The following TTC23L variants were observed in gnomAD, a reference collection of about 807,000 sequenced individuals.
TTC23L encodes tetratricopeptide repeat domain 23 like, also known as tetratricopeptide repeat protein 23-like.
Under a neutral mutation model 48.1 loss-of-function variants are expected in TTC23L, and 42 were observed. The ratio of observed to expected loss-of-function variants is 0.87; its 90% CI spans 0.68 to 1.13. The LOEUF is 1.13. TTC23L is among the 50% of genes most tolerant of loss of function. TTC23L has a pLI of 0.00. For synonymous variants in TTC23L, 159 were observed against 157.2 expected (o/e 1.01, Z -0.09); for missense variants, 391 against 421.0 (o/e 0.93, Z 0.62).
chr5:34,839,603 A>C, intron 1 of TTC23L: 1 of 985,100 alleles, frequency 1.0e-6, no homozygotes, highest in Non-Finnish European at 1.2e-6. Flanking sequence ...AAAAAGAGAA[A>C]TTAGTGACTC....
chr5:34,886,842 C>T (rs1304242139), intron 9 of TTC23L, among the ~76,000 whole-genome samples: 2 of 152,186 alleles, frequency 1.3e-5, no homozygotes, highest in African/African-American at 4.8e-5. Context: ...GGCAGCATCT[C>T]TTGAAAGCAC....
intron 9 of TTC23L, among the ~76,000 whole-genome samples, chr5:34,885,058 T>C (rs755805907): frequency 2.7e-5 from 4 of 149,258 alleles, no homozygotes; most frequent in Non-Finnish European, 4.5e-5. Flanking sequence ...AGAAAGCACA[T>C]TGGGAAGGCA....
chr5:34,880,609 C>CATA (rs1356631267), intron 9 of TTC23L: 2 of 424,762 alleles, frequency 4.7e-6, no homozygotes, highest in African/African-American at 4.2e-5. Flanking sequence ...AATTGGCAGC[C>CATA]ATATGTTTGC....
chr5:34,842,348 AT>A (rs34916959), intron 2 of TTC23L, among the ~76,000 whole-genome samples: 43,191 of 147,930 alleles, frequency 0.29, 7,074 homozygotes, highest in South Asian at 0.44. Flanking sequence ...GTTGGATAGC[AT>A]TTTTTTTTTT....
the TTC23L span, chr5:34,914,905 A>T: frequency 6.2e-7 from 1 of 1,613,428 alleles, no homozygotes; most frequent in Non-Finnish European, 8.5e-7. Flanking sequence ...TCCACTGCGC[A>T]TTCGGCCCCG....
chr5:34,848,897 G>A (rs374370862), intron 3 of TTC23L, among the ~76,000 whole-genome samples: 6 of 152,174 alleles, frequency 3.9e-5, no homozygotes, highest in East Asian at 3.8e-4. Context: ...GCTGTTGGAG[G>A]ATTTTGAACA....
intron 1 of TTC23L, among the ~76,000 whole-genome samples, chr5:34,840,242 G>GGC (rs1554016506): frequency 1.4e-5 from 2 of 143,082 alleles, no homozygotes; most frequent in Admixed American, 6.8e-5. Flanking sequence ...GACCCCGGGG[G>GGC]GGGGGGGGAA....
intron 9 of TTC23L, among the ~76,000 whole-genome samples, chr5:34,883,936 G>A (rs539717955): frequency 3.8e-4 from 58 of 152,116 alleles, no homozygotes; most frequent in Non-Finnish European, 7.5e-4. Flanking sequence ...TGACATCAAA[G>A]CCATAAAAAG....
chr5:34,894,273 C>T (rs1227497110), intron 9 of TTC23L, among the ~76,000 whole-genome samples: 1 of 151,866 alleles, frequency 6.6e-6, no homozygotes, highest in Non-Finnish European at 1.5e-5. Flanking sequence ...TTTATAATAG[C>T]AAACAATGGG....
intron 2 of TTC23L, among the ~76,000 whole-genome samples, chr5:34,843,341 C>T (rs920223411): frequency 2.0e-5 from 3 of 152,104 alleles, no homozygotes; most frequent in Non-Finnish European, 4.4e-5. Context: ...TTATTCTGAC[C>T]ATCCTTTGAG....
At chr5:34,884,915 G>C (rs1762457490) in intron 9 of TTC23L, among the ~76,000 whole-genome samples, 1 of 152,164 alleles carries the variant, frequency 6.6e-6, no homozygotes, top group Non-Finnish European at 1.5e-5. Flanking sequence ...CCACATTAGG[G>C]ATGATGATTA....
rs561084793 is a variant in TTC23L, at chr5:34,865,298, T to C, written c.662+736T>C. Among the ~76,000 whole-genome samples the C allele has an allele frequency of 3.3e-5, 5 of 152,306 alleles. No individual in the cohort carries two copies. The South Asian group carries it at 6.2e-4, about 19-fold the overall frequency. On this transcript the variant is annotated intron_variant, in intron 6 of 10. Coordinates refer to ENST00000505624, the Ensembl canonical transcript of TTC23L. ...TGGCACAGTAGGGTATATGACTGAA[T>C]AGTAAGTAAATGAAATACATGCGTC...
intron 9 of TTC23L, among the ~76,000 whole-genome samples, chr5:34,881,765 CTG>C (rs1294510960): frequency 1.4e-5 from 2 of 146,742 alleles, no homozygotes; most frequent in Admixed American, 6.8e-5. Flanking sequence ...GTTTAGAAGA[CTG>C]TTTTTTTTTT....
intron 4 of TTC23L, among the ~76,000 whole-genome samples, chr5:34,851,536 G>T (rs1042101341): frequency 2.0e-5 from 3 of 152,128 alleles, no homozygotes; most frequent in African/African-American, 4.8e-5. Flanking sequence ...GCACAGCGAG[G>T]CCCTTTTATG....
At chr5:34,865,062 G>A (rs1258332946) in intron 6 of TTC23L, among the ~76,000 whole-genome samples, 1 of 152,240 alleles carries the variant, frequency 6.6e-6, no homozygotes, top group Non-Finnish European at 1.5e-5. Flanking sequence ...TGTTCCATAT[G>A]AAAACAAAGT....
At chr5:34,865,431 A>C (rs931580957) in intron 6 of TTC23L, among the ~76,000 whole-genome samples, 5 of 152,234 alleles carry the variant, frequency 3.3e-5, no homozygotes, top group African/African-American at 4.8e-5. Context: ...CCACAGGGCA[A>C]TAAATTACAG....
intron 9 of TTC23L, among the ~76,000 whole-genome samples, chr5:34,895,431 C>A (rs16869174): frequency 0.031 from 4,666 of 152,276 alleles, 150 homozygotes; most frequent in African/African-American, 0.084. Context: ...ACCTAGTCAT[C>A]AAACTTACTG....
chr5:34,863,008 G>C lies in TTC23L; in HGVS notation c.490G>C (p.Val164Leu). The change falls in exon 5 of 11, where the codon GTC becomes CTC. Residue 164 changes from valine (V) to leucine (L), a missense_variant. By Grantham distance (32) the Val-to-Leu change is conservative. Transcript: ENST00000505624. The surrounding 1 kb of genome is among the most constrained non-coding windows in gnomAD (Gnocchi z 4.1). Reference sequence around the variant, plus strand: ...GAAAGAGGAAATCCTGGAAGCTCTGGTCAAGCTGTACTACACTCTGGGCGT... The same window carrying C: ...GAAAGAGGAAATCCTGGAAGCTCTGCTCAAGCTGTACTACACTCTGGGCGT... 6.2e-7 allele frequency: 1 copy of C among 1,613,984 alleles called. No homozygotes were observed. The highest frequency in any genetic ancestry group is 8.5e-7 in the Non-Finnish European group (1 of 1,179,882).
At chr5:34,862,626 T>C (rs980868786) in intron 4 of TTC23L, among the ~76,000 whole-genome samples, 3 of 152,130 alleles carry the variant, frequency 2.0e-5, no homozygotes, top group African/African-American at 7.2e-5. Flanking sequence ...GAGGGCTGAA[T>C]AAGAACCACT....
Sources: gnomAD v4.1 joint callset for allele counts (sites outside exome capture counted in the v4.1 genomes callset) on GRCh38, gnomAD v4.1.1 for gene constraint, Gnocchi (gnomAD v3.1) non-coding constraint, MANE v1.5 for transcripts, NCBI Gene and HGNC (gene_info 2026-07-23, HGNC 2026-07-21) for gene names.